Variants in IFT80 observed in about 807,000 individuals in gnomAD.
IFT80 encodes the protein intraflagellar transport 80, also known as intraflagellar transport protein 80 homolog.
A neutral mutation model predicts 107.9 loss-of-function variants in IFT80; 79 were observed. The ratio of observed to expected loss-of-function variants is 0.73; its 90% CI spans 0.61 to 0.88. The LOEUF (loss-of-function observed/expected upper bound fraction) is 0.88. Among genes scored for constraint, IFT80 ranks in the 40% least tolerant of loss-of-function variants. The pLI, the probability that IFT80 is intolerant of heterozygous loss-of-function variation, is 0.00. For synonymous variants in IFT80, 299 were observed against 300.9 expected (o/e 0.99, Z 0.07); for missense variants, 797 against 914.2 (o/e 0.87, Z 1.65).
At position 160,282,619 on chromosome 3, in the gene IFT80, A is replaced by ATT; in HGVS notation, c.1381-8_1381-7dup. The ATT allele has an allele frequency of 6.5e-7, 1 of 1,543,862 alleles. No individual in the cohort carries two copies. The highest frequency in any genetic ancestry group is 1.1e-5 in the South Asian group (1 of 87,014). On this transcript the variant is annotated splice_region_variant and splice_polypyrimidine_tract_variant and intron_variant, in intron 13 of 19. Coordinates refer to ENST00000326448, the MANE Select transcript of IFT80 (RefSeq NM_020800.3). ...GCAATTTCCAAGATTTCATTCTAAA[A>ATT]TTTTTTTTAAATGTAAATACTGGGT...
chr3:160,354,478 T>C (rs927751805), intron 8 of IFT80, among the ~76,000 whole-genome samples: 1 of 151,632 alleles, frequency 6.6e-6, no homozygotes, highest in East Asian at 1.9e-4. Context: ...TGAAACCCCG[T>C]CTCCGCTAAA....
intron 5 of IFT80, among the ~76,000 whole-genome samples, chr3:160,370,232 A>C (rs1223767665): frequency 6.6e-6 from 1 of 152,178 alleles, no homozygotes; most frequent in Non-Finnish European, 1.5e-5. Flanking sequence ...CCTTGAATGC[A>C]GTATCGGTCT....
chr3:160,330,107 T>G (rs1423605927), intron 8 of IFT80, among the ~76,000 whole-genome samples: 1 of 152,236 alleles, frequency 6.6e-6, no homozygotes, highest in Non-Finnish European at 1.5e-5. Flanking sequence ...GCTCTTGAGA[T>G]AATTCTTATG....
intron 8 of IFT80, among the ~76,000 whole-genome samples, chr3:160,329,794 T>C (rs374593884): frequency 9.7e-4 from 147 of 152,074 alleles, no homozygotes; most frequent in South Asian, 8.0e-3. Flanking sequence ...TTCCATGTTA[T>C]GTAAAGTTTG....
At chr3:160,361,866 C>A (rs1280729860) in intron 6 of IFT80, among the ~76,000 whole-genome samples, 3 of 152,182 alleles carry the variant, frequency 2.0e-5, no homozygotes, top group Non-Finnish European at 2.9e-5. Flanking sequence ...CTTTGGGACA[C>A]ATTTAAAGCA....
Position 160,307,762 on chromosome 3 carries a change from TCATTAAGAA to T in IFT80, c.968_976del (p.Val323_Asn325del), listed in dbSNP as rs748907842. ...ACGGAATTCCAGTAAATCCACTGCA[TCATTAAGAA>T]CATTACGAACCTAAACAAGGAAAAA... On this transcript the variant is annotated inframe_deletion, in exon 10 of 20. Coordinates refer to ENST00000326448, the MANE Select transcript of IFT80 (RefSeq NM_020800.3). The T allele has an allele frequency of 6.4e-7, 1 of 1,574,782 alleles. No individual in the cohort carries two copies. Among genetic ancestry groups the T allele is most frequent in the Non-Finnish European group, 8.7e-7 (1 of 1,144,296 alleles).
At chr3:160,372,304 G>A (rs1012677575) in intron 5 of IFT80, among the ~76,000 whole-genome samples, 1 of 152,106 alleles carries the variant, frequency 6.6e-6, no homozygotes, top group Admixed American at 6.5e-5. Flanking sequence ...CAGTAGTCTT[G>A]CACCCCCAGC....
intron 8 of IFT80, among the ~76,000 whole-genome samples, chr3:160,337,858 T>C (rs1365025220): frequency 6.6e-6 from 1 of 152,174 alleles, no homozygotes; most frequent in Non-Finnish European, 1.5e-5. Flanking sequence ...GTGTTAGCCA[T>C]CTGGGTCAAT....
chr3:160,363,762 ATT>A (rs1301776714), intron 6 of IFT80, among the ~76,000 whole-genome samples: 1 of 152,234 alleles, frequency 6.6e-6, no homozygotes, highest in African/African-American at 2.4e-5. Context: ...TGGGGAAAGG[ATT>A]CCCTATTTAA....
At chr3:160,293,546 T>A (rs1715737372) in intron 12 of IFT80, among the ~76,000 whole-genome samples, 1 of 152,196 alleles carries the variant, frequency 6.6e-6, no homozygotes, top group African/African-American at 2.4e-5. Flanking sequence ...CCATATGGGA[T>A]CCATGGTCAT....
At chr3:160,315,390 G>A (rs528276031) in intron 9 of IFT80, among the ~76,000 whole-genome samples, 8 of 152,282 alleles carry the variant, frequency 5.3e-5, no homozygotes, top group African/African-American at 1.9e-4. Flanking sequence ...ACAGAACTCT[G>A]TTTTAGGGTA....
chr3:160,362,783 T>C (rs947388921), intron 6 of IFT80, among the ~76,000 whole-genome samples: 5 of 152,198 alleles, frequency 3.3e-5, no homozygotes, highest in Admixed American at 1.3e-4. Context: ...ATTATCTCAA[T>C]AGATGCAGAA....
chr3:160,380,292 C>T (rs987860060), intron 3 of IFT80, among the ~76,000 whole-genome samples: 4 of 152,108 alleles, frequency 2.6e-5, no homozygotes, highest in Non-Finnish European at 5.9e-5. Flanking sequence ...CCACCTCAGC[C>T]TCCCAAAGTC....
Position 160,377,521 on chromosome 3 carries a change from G to T in IFT80, c.279C>A (p.Ser93=). Residue 93 remains serine (S), a synonymous_variant, in exon 4 of 20, where the codon TCC becomes TCA. Transcript: ENST00000326448. ...TSSDGKFHLI[S]KLGRVEKSVE... ...CACTTTTTTCCACTCTTCCTAACTT[G>T]GAAATCAGATGAAATTTACCTGAAA... 1 of 1,600,076 alleles carries T rather than the reference G, an allele frequency of 6.2e-7. No individual in the cohort carries two copies.
intron 1 of IFT80, among the ~76,000 whole-genome samples, chr3:160,389,616 T>C (rs1713208872): frequency 6.6e-6 from 1 of 151,548 alleles, no homozygotes; most frequent in Admixed American, 6.6e-5. Flanking sequence ...TTACTGAGAA[T>C]GATGATTTCC....
intron 9 of IFT80, among the ~76,000 whole-genome samples, chr3:160,312,466 C>T (rs954014522): frequency 6.9e-6 from 1 of 145,716 alleles, no homozygotes; most frequent in African/African-American, 2.6e-5. Flanking sequence ...ACTGCCTTTC[C>T]TTGCCTGCTT....
chr3:160,332,867 T>C (rs1299250883), intron 8 of IFT80, among the ~76,000 whole-genome samples: 1 of 152,210 alleles, frequency 6.6e-6, no homozygotes, highest in Non-Finnish European at 1.5e-5. Flanking sequence ...GGGGTATATA[T>C]ATCAAAGGCA....
chr3:160,363,939 T>C (rs1404645381), intron 6 of IFT80, among the ~76,000 whole-genome samples: 7 of 152,168 alleles, frequency 4.6e-5, no homozygotes, highest in African/African-American at 7.2e-5. Flanking sequence ...ATTCAGGACA[T>C]TGGCATTGGC....
intron 19 of IFT80, among the ~76,000 whole-genome samples, chr3:160,259,940 A>G (rs1712681560): frequency 6.6e-6 from 1 of 152,242 alleles, no homozygotes; most frequent in Non-Finnish European, 1.5e-5. Context: ...GAATGGAATA[A>G]GTAGTATTAA....
Sources: gnomAD v4.1 joint callset for allele counts (sites outside exome capture counted in the v4.1 genomes callset) on GRCh38, gnomAD v4.1.1 for gene constraint, MANE v1.5 for transcripts, NCBI Gene and HGNC (gene_info 2026-07-23, HGNC 2026-07-21) for gene names.